Variants in SCN8A observed in about 807,000 individuals in gnomAD.
SCN8A encodes the protein sodium channel protein type 8 subunit alpha.
Under a neutral mutation model 184.1 loss-of-function variants are expected in SCN8A, and 30 were observed. That is an observed-to-expected ratio of 0.16 (90% CI 0.12 to 0.22). The LOEUF is 0.22. SCN8A is among the 10% of genes least tolerant of loss of function. The pLI is 1.00. For missense variants in SCN8A, 1,057 were observed against 2,498.9 expected (o/e 0.42, Z 12.30); for synonymous variants, 852 against 907.0 (o/e 0.94, Z 1.09).
intron 1 of SCN8A, among the ~76,000 whole-genome samples, chr12:51,638,293 T>G (rs955938404): frequency 6.6e-6 from 1 of 152,188 alleles, no homozygotes; most frequent in African/African-American, 2.4e-5. Flanking sequence ...AATTTCAACT[T>G]TCAAGTCATT....
intron 1 of SCN8A, among the ~76,000 whole-genome samples, chr12:51,644,452 A>C (rs1940518593): frequency 6.6e-6 from 1 of 152,252 alleles, no homozygotes; most frequent in African/African-American, 2.4e-5. Flanking sequence ...AACTGTGTCT[A>C]GCAGGTAGTT....
chr12:51,786,947 GA>G (rs1938103891), intron 22 of SCN8A, 121 bp downstream of exon 22: 1 of 993,170 alleles, frequency 1.0e-6, no homozygotes, highest in Admixed American at 2.7e-5. Flanking sequence ...ATAAGTCCAA[GA>G]AAACAGTATT....
At chr12:51,598,844 T>C (rs546368994) in intron 1 of SCN8A, among the ~76,000 whole-genome samples, 89 of 152,334 alleles carry the variant, frequency 5.8e-4, no homozygotes, top group African/African-American at 2.0e-3. Context: ...AGACTTAAAA[T>C]AATTTGAGGA....
At chr12:51,741,525 C>T (rs963884284) in intron 12 of SCN8A, among the ~76,000 whole-genome samples, 77 of 152,068 alleles carry the variant, frequency 5.1e-4, no homozygotes, top group Middle Eastern at 3.4e-3. Context: ...GGTTGTTTTG[C>T]GGTCTTCTTT....
At chr12:51,699,492 C>T (rs1317302783) in intron 6 of SCN8A, 78 bp from the exon 7 acceptor site, 1 of 1,027,926 alleles carries the variant, frequency 9.7e-7, no homozygotes, top group Non-Finnish European at 1.4e-6. Context: ...GGAGTAGCAG[C>T]CAGTGGCTAA....
At chr12:51,682,506 A>G (rs2138705222) in intron 2 of SCN8A, among the ~76,000 whole-genome samples, 1 of 152,286 alleles carries the variant, frequency 6.6e-6, no homozygotes, top group African/African-American at 2.4e-5. Flanking sequence ...CATGTGAGAG[A>G]GAGACTTTTT....
At chr12:51,702,973 G>T in intron 9 of SCN8A, 59 bp downstream of exon 9, 3 of 1,476,088 alleles carry the variant, frequency 2.0e-6, no homozygotes, top group Non-Finnish European at 2.7e-6. Flanking sequence ...ATGGGGTTGG[G>T]GACCTTCTGT....
chr12:51,661,686 A>G (rs888922389), intron 1 of SCN8A, among the ~76,000 whole-genome samples: 1 of 152,186 alleles, frequency 6.6e-6, no homozygotes. Flanking sequence ...AAGCAGTACC[A>G]TGAGCACCCA....
intron 26 of SCN8A, among the ~76,000 whole-genome samples, chr12:51,805,797 ATTTTATTGT>A (rs1565933534): frequency 6.6e-6 from 1 of 151,354 alleles, no homozygotes; most frequent in African/African-American, 2.4e-5. Flanking sequence ...ATAGGTGTCT[ATTTTATTGT>A]TTACTTTTCT....
intron 1 of SCN8A, among the ~76,000 whole-genome samples, chr12:51,649,369 C>T (rs1042584478): frequency 6.6e-6 from 1 of 152,204 alleles, no homozygotes; most frequent in Admixed American, 6.5e-5. Context: ...AGGCATTGCC[C>T]CAGTAGGGAT....
chr12:51,762,076 A>G (rs907108373), intron 14 of SCN8A, among the ~76,000 whole-genome samples: 4 of 152,194 alleles, frequency 2.6e-5, no homozygotes, highest in African/African-American at 9.7e-5. Context: ...GGGTTTGGTA[A>G]GATATAATGT....
chr12:51,767,123 A>G (rs1477716259), intron 16 of SCN8A, among the ~76,000 whole-genome samples: 3 of 152,204 alleles, frequency 2.0e-5, no homozygotes, highest in Non-Finnish European at 4.4e-5. Context: ...CCTATTCTCC[A>G]TTCCCAGCCA....
At chr12:51,700,429 T>C (rs1218271049) in intron 7 of SCN8A, among the ~76,000 whole-genome samples, 1 of 152,198 alleles carries the variant, frequency 6.6e-6, no homozygotes, top group African/African-American at 2.4e-5. Flanking sequence ...CCAGAATGTA[T>C]CTATGGAACT....
At chr12:51,747,089 ATGTGTGTGTGTGTGTGTGTGTGTGTGTG>A (rs60490453) in intron 13 of SCN8A, among the ~76,000 whole-genome samples, 2,503 of 81,316 alleles carry the variant, frequency 0.031, 63 homozygotes, top group African/African-American at 0.098. Flanking sequence ...CTCTGTGTGT[ATGTGTGTGTGTGTGTGTGTGTGTGTGTG>A]TGTGTGTGTG....
chr12:51,774,236 C>T lies in SCN8A; in HGVS notation c.3693C>T (p.Ile1231=). The T allele has an allele frequency of 1.2e-6, 2 of 1,613,976 alleles. No homozygotes were observed. The highest frequency in any genetic ancestry group is 1.7e-6 in the Non-Finnish European group (2 of 1,179,884). Residue 1231 remains isoleucine (I), a synonymous_variant, in exon 20 of 27, where the codon ATC becomes ATT. Transcript: ENST00000627620. ...AGCAGAGAAAGACCATCCGCACCAT[C>T]CTGGAATATGCTGACAAAGTCTTCA... ...YIEQRKTIRT[I]LEYADKVFTY... is the part of the protein sequence containing the mutation.
At position 51,598,331 on chromosome 12, in the gene SCN8A, T is replaced by C. The variant is rs117472161; in HGVS notation, c.-55+6972T>C. Among the ~76,000 whole-genome samples the C allele has an allele frequency of 7.6e-3, 1,158 of 152,264 alleles. 8 individuals carry two copies. Among genetic ancestry groups the C allele is most frequent in the Non-Finnish European group, 0.013 (869 of 68,002 alleles). ...CAATTCCTTTGGGTACACCTCCGTA[T>C]TACTGAACCAGATCCTCATCTGCTG... On this transcript the variant is annotated intron_variant, in intron 1 of 26. Transcript: ENST00000627620.
chr12:51,735,181 G>T (rs571433007), intron 12 of SCN8A, among the ~76,000 whole-genome samples: 2 of 152,206 alleles, frequency 1.3e-5, no homozygotes, highest in African/African-American at 4.8e-5. Context: ...AACTTTTGCC[G>T]TACTTTTTGG....
At position 51,724,425 on chromosome 12, in the gene SCN8A, C is replaced by T. The variant is rs1206567959; in HGVS notation, c.1998+2517C>T. Among the ~76,000 whole-genome samples, 4 of 152,068 alleles carry T rather than the reference C, an allele frequency of 2.6e-5. No homozygotes were observed. The East Asian group carries it at 5.8e-4, about 22-fold the overall frequency. On this transcript the variant is annotated intron_variant, in intron 12 of 26. Transcript: ENST00000627620. Reference sequence around the variant, plus strand: ...TTGCGCCATTGCACTCCAGCCTAGGCAAGAAGAGCAACACTCTTGTCTCAA... The same window carrying T: ...TTGCGCCATTGCACTCCAGCCTAGGTAAGAAGAGCAACACTCTTGTCTCAA...
intron 25 of SCN8A, among the ~76,000 whole-genome samples, chr12:51,792,488 CAAAAAAAAAAAAA>C (rs71092723): frequency 3.9e-5 from 2 of 51,590 alleles, no homozygotes; most frequent in African/African-American, 1.5e-4. Flanking sequence ...GACCCTATCT[CAAAAAAAAAAAAA>C]AAAAAAAAAA....
Sources: gnomAD v4.1 joint callset for allele counts (sites outside exome capture counted in the v4.1 genomes callset) on GRCh38, gnomAD v4.1.1 for gene constraint, MANE v1.5 for transcripts, NCBI Gene and HGNC (gene_info 2026-07-23, HGNC 2026-07-21) for gene names.